Variants in GOLM2 observed in about 807,000 individuals in gnomAD.
GOLM2 encodes golgi membrane protein 2.
GOLM2 carries 26 observed loss-of-function variants against 55.9 expected under a neutral mutation model. The observed-to-expected ratio is 0.47, with a 90% CI of 0.34 to 0.65. GOLM2 has a LOEUF of 0.65. Ranked by LOEUF, GOLM2 falls within the 30% of genes least tolerant of loss-of-function variation. GOLM2 has a pLI of 0.01. For synonymous variants in GOLM2, 165 were observed against 194.6 expected, an observed-to-expected ratio of 0.85 and a Z score of 1.27; for missense variants, 486 against 531.8, an observed-to-expected ratio of 0.91 and a Z score of 0.85.
At chr15:44,409,147 G>GA (rs995450930) in intron 9 of GOLM2, among the ~76,000 whole-genome samples, 20 of 151,450 alleles carry the variant, frequency 1.3e-4, no homozygotes, top group African/African-American at 4.9e-4. Context: ...AGCCGGGCGT[G>GA]ATGGCGGGCA....
At chr15:44,322,681 C>T (rs1432722718) in intron 1 of GOLM2, among the ~76,000 whole-genome samples, 1 of 152,086 alleles carries the variant, frequency 6.6e-6, no homozygotes, top group African/African-American at 2.4e-5. Context: ...GTGACCATAG[C>T]TCTGAGTTTT....
intron 1 of GOLM2, among the ~76,000 whole-genome samples, chr15:44,298,797 T>C (rs575786902): frequency 6.6e-6 from 1 of 152,270 alleles, no homozygotes; most frequent in Admixed American, 6.5e-5. Flanking sequence ...CCTAAAAGGA[T>C]ATATTGAAGT....
chr15:44,309,783 A>G (rs2078861210), intron 1 of GOLM2, among the ~76,000 whole-genome samples: 2 of 152,220 alleles, frequency 1.3e-5, no homozygotes, highest in African/African-American at 4.8e-5. Flanking sequence ...GAACTGAAAC[A>G]GAGAAGGTAA....
At position 44,369,067 on chromosome 15, in the gene GOLM2, T is replaced by TTATATATATATA. The variant is rs58317520; in HGVS notation, c.803-10584_803-10573dup. On this transcript the variant is annotated intron_variant, in intron 6 of 9. Coordinates refer to ENST00000299957, the MANE Select transcript of GOLM2 (RefSeq NM_138423.4). ...AGATATATACATATAATAGGATATA[T>TTATATATATATA]TATATATATATATATATATATATAT... is the stretch of plus-strand genomic sequence containing the variant. Among the ~76,000 whole-genome samples, 8 of 22,978 alleles carry TTATATATATATA rather than the reference T, an allele frequency of 3.5e-4. 1 individual carries two copies. Among genetic ancestry groups the TTATATATATATA allele is most frequent in the Non-Finnish European group, 6.5e-4 (8 of 12,334 alleles). 15.1% of individuals were successfully genotyped at this position (22,978 alleles called of 152,430 possible).
In GOLM2 at chr15:44,288,990, T is replaced by C. The variant is rs199666427; in HGVS notation, c.-40T>C. 44 of 1,553,988 alleles carry C rather than the reference T, an allele frequency of 2.8e-5. No homozygotes were observed. The East Asian group carries it at 7.7e-4, about 27-fold the overall frequency. On this transcript the variant is annotated 5_prime_UTR_variant, in exon 1 of 10. Coordinates refer to ENST00000299957, the MANE Select transcript of GOLM2 (RefSeq NM_138423.4). ...AGGCCTGGGCTTCTGCCTGCAGGTG[T>C]CTGCGGCGAGGCCCCTAGGGTACAG...
Position 44,394,972 on chromosome 15 carries a change from A to G in GOLM2, c.1073-7915A>G, listed in dbSNP as rs565645803. Among the ~76,000 whole-genome samples the G allele has an allele frequency of 1.4e-4, 22 of 152,230 alleles. No individual in the cohort carries two copies. In the South Asian group the frequency reaches 4.4e-3, roughly 30 times the overall value. On this transcript the variant is annotated intron_variant, in intron 8 of 9. Transcript: ENST00000299957. ...GCTCTAATAGTTTCATTTTGCTTAC[A>G]ATAGTGGTAATATATTACATTAATG...
At chr15:44,358,934 A>G in intron 6 of GOLM2, among the ~76,000 whole-genome samples, 1 of 152,114 alleles carries the variant, frequency 6.6e-6, no homozygotes, top group Non-Finnish European at 1.5e-5. Flanking sequence ...AGGCAGGCAG[A>G]TCACGAGGTC....
intron 6 of GOLM2, among the ~76,000 whole-genome samples, chr15:44,352,008 G>A (rs1339192200): frequency 1.3e-5 from 2 of 152,076 alleles, no homozygotes; most frequent in Non-Finnish European, 2.9e-5. Flanking sequence ...ACCCAAAGCA[G>A]TCACAGATTC....
At chr15:44,290,896 G>A (rs903001025) in intron 1 of GOLM2, among the ~76,000 whole-genome samples, 15 of 151,420 alleles carry the variant, frequency 9.9e-5, no homozygotes, top group South Asian at 4.3e-4. Flanking sequence ...CCGCCCCCCC[G>A]GGGTTCAAGC....
intron 6 of GOLM2, among the ~76,000 whole-genome samples, chr15:44,358,028 T>C (rs921240870): frequency 6.6e-6 from 1 of 152,188 alleles, no homozygotes; most frequent in Non-Finnish European, 1.5e-5. Flanking sequence ...GAAGTTATTT[T>C]GTGGATATTG....
intron 4 of GOLM2, among the ~76,000 whole-genome samples, chr15:44,333,134 A>G (rs2079033422): frequency 6.6e-6 from 1 of 152,080 alleles, no homozygotes; most frequent in African/African-American, 2.4e-5. Context: ...GGGTTTCACC[A>G]TGTTAGCCAG....
intron 6 of GOLM2, among the ~76,000 whole-genome samples, chr15:44,378,477 C>T (rs2079379852): frequency 6.6e-6 from 1 of 151,618 alleles, no homozygotes; most frequent in Non-Finnish European, 1.5e-5. Flanking sequence ...TCTGTCTCAG[C>T]CTCCTAAGTA....
At chr15:44,290,848 C>T (rs959679151) in intron 1 of GOLM2, among the ~76,000 whole-genome samples, 3 of 152,134 alleles carry the variant, frequency 2.0e-5, no homozygotes, top group African/African-American at 7.2e-5. Context: ...GTTGCCCAGG[C>T]AGGAGTGCAA....
At chr15:44,328,153 T>C (rs945987476) in intron 2 of GOLM2, among the ~76,000 whole-genome samples, 3 of 152,192 alleles carry the variant, frequency 2.0e-5, no homozygotes, top group African/African-American at 7.2e-5. Context: ...TTTGGGTTGA[T>C]GTGAAAGCCA....
chr15:44,364,711 A>G (rs2079272168), intron 6 of GOLM2, among the ~76,000 whole-genome samples: 1 of 152,038 alleles, frequency 6.6e-6, no homozygotes, highest in South Asian at 2.1e-4. Context: ...AAAAGAAGAG[A>G]AAAGAAAACA....
At chr15:44,345,398 A>G (rs1182293438) in intron 6 of GOLM2, among the ~76,000 whole-genome samples, 1 of 151,958 alleles carries the variant, frequency 6.6e-6, no homozygotes, top group Non-Finnish European at 1.5e-5. Flanking sequence ...AGCTGGGACT[A>G]CAGGTGCCCG....
intron 4 of GOLM2, among the ~76,000 whole-genome samples, chr15:44,337,156 C>A (rs759729504): frequency 2.0e-5 from 3 of 151,994 alleles, no homozygotes; most frequent in Non-Finnish European, 4.4e-5. Context: ...TACTGGTCCA[C>A]CAAGAGAATT....
intron 6 of GOLM2, among the ~76,000 whole-genome samples, chr15:44,346,952 C>CTCA (rs939034834): frequency 7.9e-5 from 12 of 151,648 alleles, no homozygotes; most frequent in Non-Finnish European, 1.5e-4. Flanking sequence ...ATAACAAGAC[C>CTCA]TCATATCTTA....
intron 6 of GOLM2, among the ~76,000 whole-genome samples, chr15:44,377,110 C>G (rs565073070): frequency 2.0e-5 from 3 of 152,080 alleles, no homozygotes; most frequent in Non-Finnish European, 4.4e-5. Context: ...TGATGGCTCA[C>G]GTCTATAATC....
Sources: gnomAD v4.1 joint callset for allele counts (sites outside exome capture counted in the v4.1 genomes callset) on GRCh38, gnomAD v4.1.1 for gene constraint, MANE v1.5 for transcripts, NCBI Gene and HGNC (gene_info 2026-07-23, HGNC 2026-07-21) for gene names.